The following MRTFA variants were observed in gnomAD, a reference collection of about 807,000 sequenced individuals.
MRTFA encodes the protein myocardin-related transcription factor A.
Under a neutral mutation model 83.5 loss-of-function variants are expected in MRTFA, and 20 were observed. The ratio of observed to expected loss-of-function variants is 0.24; its 90% CI spans 0.17 to 0.35. MRTFA has a LOEUF of 0.35. Among genes scored for constraint, MRTFA ranks in the 10% least tolerant of loss-of-function variants. The probability of loss-of-function intolerance (pLI) is 1.00; values close to 1 mark genes in which losing one functional copy is unlikely to be tolerated. For missense variants in MRTFA, 1,200 were observed against 1,224.7 expected, an observed-to-expected ratio of 0.98 and a Z score of 0.30; for synonymous variants, 659 against 541.2, an observed-to-expected ratio of 1.22 and a Z score of -3.02.
chr22:40,586,266 CAA>C (rs777228122), intron 2 of MRTFA, among the ~76,000 whole-genome samples: 33 of 98,492 alleles, frequency 3.4e-4, no homozygotes, highest in Non-Finnish European at 3.5e-4. Flanking sequence ...ATTTGCTCTT[CAA>C]AAAAAAAAAA....
At chr22:40,500,572 G>A (rs1328507526) in intron 3 of MRTFA, among the ~76,000 whole-genome samples, 1 of 152,014 alleles carries the variant, frequency 6.6e-6, no homozygotes, top group African/African-American at 2.4e-5. Flanking sequence ...CTGATTACTT[G>A]CGATTAGGGA....
chr22:40,464,524 G>GAAAA (rs538468753), intron 3 of MRTFA, among the ~76,000 whole-genome samples: 24 of 150,460 alleles, frequency 1.6e-4, no homozygotes, highest in African/African-American at 5.6e-4. Flanking sequence ...AAAAAAGAAA[G>GAAAA]AAAAAAAAGA....
chr22:40,469,273 G>A (rs751235141), intron 3 of MRTFA, among the ~76,000 whole-genome samples: 15 of 152,144 alleles, frequency 9.9e-5, no homozygotes, highest in Non-Finnish European at 1.6e-4. Flanking sequence ...GGGTCATGGC[G>A]GCAGATGTCC....
intron 3 of MRTFA, among the ~76,000 whole-genome samples, chr22:40,528,540 C>G (rs551091006): frequency 6.6e-6 from 1 of 151,840 alleles, no homozygotes; most frequent in Non-Finnish European, 1.5e-5. Flanking sequence ...GAATTCGAGA[C>G]CAGCCTGACC....
intron 1 of MRTFA, among the ~76,000 whole-genome samples, chr22:40,635,525 C>T (rs1052696961): frequency 2.6e-4 from 39 of 152,196 alleles, no homozygotes; most frequent in Non-Finnish European, 2.9e-5. Flanking sequence ...TATATACACA[C>T]ACTTCATGCC....
At chr22:40,546,127 A>G (rs974641404) in intron 3 of MRTFA, among the ~76,000 whole-genome samples, 1 of 152,236 alleles carries the variant, frequency 6.6e-6, no homozygotes, top group African/African-American at 2.4e-5. Flanking sequence ...CATTCATGAA[A>G]AAGCACCTCC....
intron 7 of MRTFA, among the ~76,000 whole-genome samples, chr22:40,424,974 G>A (rs1214385605): frequency 6.6e-6 from 1 of 152,208 alleles, no homozygotes; most frequent in Non-Finnish European, 1.5e-5. Context: ...CCAGAAAGGG[G>A]ATGTTTGCCT....
rs562549245 is a variant in MRTFA at position 40,441,831 on chromosome 22, T to TACACAC, written c.308-6283_308-6278dup. ...ATGTATGTATGTGTATATATATATA[T>TACACAC]ACACACACACACACACACACACACT... On this transcript the variant is annotated intron_variant, in intron 4 of 14. Coordinates refer to ENST00000355630, the MANE Select transcript of MRTFA (RefSeq NM_020831.6). Among the ~76,000 whole-genome samples the TACACAC allele has an allele frequency of 4.0e-3, 598 of 147,950 alleles. 2 individuals carry two copies. Among genetic ancestry groups the TACACAC allele is most frequent in the East Asian group, 0.021 (103 of 5,004 alleles).
chr22:40,600,745 C>T (rs764220559), intron 1 of MRTFA, among the ~76,000 whole-genome samples: 9 of 152,188 alleles, frequency 5.9e-5, no homozygotes, highest in Middle Eastern at 3.4e-3. Context: ...TTTGGGAGGC[C>T]GAGGCAGGCG....
intron 12 of MRTFA, 128 bp downstream of exon 12, chr22:40,418,246 G>GAA: frequency 1.4e-6 from 2 of 1,479,634 alleles, no homozygotes; most frequent in Non-Finnish European, 1.8e-6. Flanking sequence ...CCCCCCTGGT[G>GAA]AAGGAAGATT....
rs1257655934 is a variant in MRTFA, at chr22:40,435,482, G to C, written c.363+17C>G. 6.2e-7 allele frequency: 1 copy of C among 1,613,634 alleles called. No homozygotes were observed. Among genetic ancestry groups the C allele is most frequent in the Admixed American group, 1.7e-5 (1 of 60,020 alleles). On this transcript the variant is annotated intron_variant, in intron 5 of 14. Coordinates refer to ENST00000355630, the MANE Select transcript of MRTFA (RefSeq NM_020831.6). ...AATGCTCTTTGGGAGTTCTGAGGGG[G>C]AAAAAAGGTACCTTACCCTGGCCCG...
Position 40,417,402 on chromosome 22 carries a change from G to C in MRTFA, c.2456C>G (p.Ser819Cys). 1 of 1,611,502 alleles carries C rather than the reference G, an allele frequency of 6.2e-7. No individual in the cohort carries two copies. The highest frequency in any genetic ancestry group is 8.5e-7 in the Non-Finnish European group (1 of 1,179,726). Residue 819 changes from serine to cysteine, a missense_variant, in exon 13 of 15, where the codon TCT (serine) becomes TGT (cysteine). Ser to Cys is a moderately radical substitution (Grantham distance 112, BLOSUM62 -1). Around this residue, in one of 2 missense-constraint regions of MRTFA, gnomAD observed 1,107 missense variants for 1,041.8 expected, o/e 1.06. Transcript: ENST00000355630. ...GCCAGGTGGTTCCTTCTTCAGCAGA[G>C]AAGTGGGGGTCCCAAAGAGGGGCTG...
At chr22:40,623,097 A>G (rs2056542377) in intron 1 of MRTFA, among the ~76,000 whole-genome samples, 1 of 152,162 alleles carries the variant, frequency 6.6e-6, no homozygotes, top group Admixed American at 6.5e-5. Flanking sequence ...CACAATGAAA[A>G]CTGTTTTGGT....
chr22:40,420,762 G>C, intron 10 of MRTFA, 85 bp downstream of exon 10: 1 of 1,581,786 alleles, frequency 6.3e-7, no homozygotes, highest in African/African-American at 1.3e-5. Flanking sequence ...AAAGATGTGA[G>C]GTTCACCCCC....
intron 7 of MRTFA, among the ~76,000 whole-genome samples, chr22:40,425,843 C>T (rs944611892): frequency 5.3e-5 from 8 of 152,202 alleles, no homozygotes; most frequent in African/African-American, 1.9e-4. Context: ...GCTGGCCGTA[C>T]TGTGGAAAAC....
chr22:40,505,630 T>C (rs1420611561), intron 3 of MRTFA, among the ~76,000 whole-genome samples: 1 of 152,248 alleles, frequency 6.6e-6, no homozygotes, highest in Non-Finnish European at 1.5e-5. Context: ...GATTAGGCTA[T>C]GAGGGAACCT....
chr22:40,509,887 C>A (rs529339772), intron 3 of MRTFA, among the ~76,000 whole-genome samples: 1 of 147,738 alleles, frequency 6.8e-6, no homozygotes, highest in Admixed American at 6.9e-5. Context: ...TTCTCAATGA[C>A]GCAGGCTCCC....
At chr22:40,420,045 C>T (rs983388076) in intron 11 of MRTFA, among the ~76,000 whole-genome samples, 1 of 152,262 alleles carries the variant, frequency 6.6e-6, no homozygotes, top group Non-Finnish European at 1.5e-5. Context: ...CTCCTCCTGT[C>T]ACTGCCTCAG....
chr22:40,520,731 T>C (rs1206993439), intron 3 of MRTFA, among the ~76,000 whole-genome samples: 1 of 152,218 alleles, frequency 6.6e-6, no homozygotes, highest in Non-Finnish European at 1.5e-5. Flanking sequence ...TTATAACATA[T>C]ATCAACAGTG....
Sources: gnomAD v4.1 joint callset for allele counts (sites outside exome capture counted in the v4.1 genomes callset) on GRCh38, gnomAD v4.1.1 for gene constraint, gnomAD v4.1.1 regional missense constraint, MANE v1.5 for transcripts, NCBI Gene and HGNC (gene_info 2026-07-23, HGNC 2026-07-21) for gene names.